DNAI7: variants seen among roughly 807,000 people sequenced by gnomAD.
The protein encoded by DNAI7 is cancer susceptibility 1.
A neutral mutation model predicts 86.6 loss-of-function variants in DNAI7; 78 were observed. The observed-to-expected ratio is 0.90, with a 90% confidence interval of 0.75 to 1.09. DNAI7 has a LOEUF of 1.09. Among genes scored for constraint, DNAI7 ranks in the 50% least tolerant of loss-of-function variants. The pLI, the probability that DNAI7 is intolerant of heterozygous loss-of-function variation, is 0.00. For missense variants in DNAI7, 753 were observed against 810.2 expected (o/e 0.93, Z 0.86); for synonymous variants, 274 against 273.0 (o/e 1.00, Z -0.04).
downstream of DNAI7, chr12:25,108,262 T>G: frequency 1.7e-6 from 1 of 590,746 alleles, no homozygotes. Flanking sequence ...GATCTTTGAA[T>G]GAGCTTTTTA....
chr12:25,128,521 G>C (rs907488143), intron 9 of DNAI7, among the ~76,000 whole-genome samples: 1 of 152,090 alleles, frequency 6.6e-6, no homozygotes, highest in Non-Finnish European at 1.5e-5. Context: ...AGCTGTGTCT[G>C]ACTTTCCTCT....
chr12:25,139,502 A>T (rs972666006), intron 9 of DNAI7, among the ~76,000 whole-genome samples: 1 of 152,160 alleles, frequency 6.6e-6, no homozygotes, highest in Non-Finnish European at 1.5e-5. Context: ...TATCAAAAAG[A>T]TAATTCATGC....
chr12:25,134,083 C>T lies in DNAI7; in HGVS notation c.1002+10282G>A, dbSNP rs188720192. Among the ~76,000 whole-genome samples, 9 of 152,252 alleles carry T rather than the reference C, an allele frequency of 5.9e-5. No individual in the cohort carries two copies. The East Asian group carries it at 1.7e-3, about 29-fold the overall frequency. On this transcript the variant is annotated intron_variant, in intron 9 of 15. Transcript: ENST00000395987. ...GACCACTGCTCACTGCAGCCTCGAC[C>T]TCCTGGGCTCAGGCAATCCTCTCAC...
intron 2 of DNAI7, among the ~76,000 whole-genome samples, chr12:25,165,161 C>T (rs1343164865): frequency 6.6e-6 from 1 of 152,172 alleles, no homozygotes; most frequent in African/African-American, 2.4e-5. Flanking sequence ...TTTTATTACC[C>T]AATCCGCTCC....
intron 2 of DNAI7, among the ~76,000 whole-genome samples, chr12:25,169,390 C>T (rs1178052193): frequency 2.6e-5 from 4 of 152,136 alleles, no homozygotes; most frequent in Admixed American, 1.3e-4. Flanking sequence ...TCTTATAAAA[C>T]GGCCCTACCC....
chr12:25,155,184 C>A (rs1946011477), intron 5 of DNAI7, 127 bp downstream of exon 5: 1 of 517,768 alleles, frequency 1.9e-6, no homozygotes, highest in South Asian at 3.2e-5. Flanking sequence ...CATAAGCAAT[C>A]AATTTGTCAG....
chr12:25,158,335 C>T, intron 4 of DNAI7, 137 bp downstream of exon 4: 1 of 646,712 alleles, frequency 1.5e-6, no homozygotes, highest in Non-Finnish European at 2.6e-6. Flanking sequence ...AACAATGTCA[C>T]TTATTCTATG....
chr12:25,181,667 G>A (rs199908985), intron 2 of DNAI7, among the ~76,000 whole-genome samples: 11 of 151,560 alleles, frequency 7.3e-5, no homozygotes, highest in African/African-American at 2.4e-4. Context: ...ACCCAGAATC[G>A]ATAAGGAACT....
intron 2 of DNAI7, among the ~76,000 whole-genome samples, chr12:25,167,539 C>A (rs567761768): frequency 3.3e-5 from 5 of 152,274 alleles, no homozygotes; most frequent in Non-Finnish European, 5.9e-5. Context: ...TTTACTCATT[C>A]TCTCCTAGCC....
At position 25,119,224 on chromosome 12, in the gene DNAI7, TG is replaced by T. The variant is rs780918893; in HGVS notation, c.1316del (p.Pro439HisfsTer3). The T allele has an allele frequency of 6.8e-6, 11 of 1,612,750 alleles. No homozygotes were observed. The South Asian group carries it at 1.2e-4, about 18-fold the overall frequency. The part of the protein sequence containing the change: ...TEEFETENAF[P>X]PIEVTLEVHE... ...GAACCTCAAGTGTGACCTCTATAGG[TG>T]GGAAAGCATTTTCTGTCTCAAACTC... On this transcript the variant is annotated frameshift_variant, in exon 12 of 16. Transcript: ENST00000395987. LOFTEE classifies it high-confidence loss of function.
At chr12:25,174,378 C>CACATATATATG (rs1948554750) in intron 2 of DNAI7, among the ~76,000 whole-genome samples, 1 of 288 alleles carries the variant, frequency 3.5e-3, no homozygotes, top group Non-Finnish European at 0.013. Flanking sequence ...TATGTTATAT[C>CACATATATATG]ATATATATGG....
intron 2 of DNAI7, among the ~76,000 whole-genome samples, chr12:25,170,197 C>T (rs1054877407): frequency 6.6e-6 from 1 of 151,916 alleles, no homozygotes; most frequent in Admixed American, 6.6e-5. Context: ...TCAAGACCAG[C>T]CTGACCAACA....
intron 6 of DNAI7, among the ~76,000 whole-genome samples, chr12:25,151,895 T>C (rs1314648379): frequency 6.6e-6 from 1 of 152,204 alleles, no homozygotes; most frequent in African/African-American, 2.4e-5. Context: ...AGTCTACAGT[T>C]CTACCCTCTT....
At chr12:25,167,893 G>A (rs544593846) in intron 2 of DNAI7, among the ~76,000 whole-genome samples, 5 of 152,078 alleles carry the variant, frequency 3.3e-5, no homozygotes, top group Middle Eastern at 3.4e-3. Context: ...TGTATCTCTC[G>A]TCAAAGACCC....
intron 2 of DNAI7, among the ~76,000 whole-genome samples, chr12:25,181,399 G>A (rs1949489603): frequency 6.6e-6 from 1 of 152,074 alleles, no homozygotes; most frequent in South Asian, 2.1e-4. Context: ...GATTACAGGT[G>A]TGCACTATTG....
At chr12:25,151,318 A>C (rs899874433) in intron 6 of DNAI7, among the ~76,000 whole-genome samples, 1 of 152,178 alleles carries the variant, frequency 6.6e-6, no homozygotes, top group Non-Finnish European at 1.5e-5. Flanking sequence ...TAAGCACTAT[A>C]TAAGAGTTTA....
At chr12:25,149,105 G>A (rs1213952312) in intron 7 of DNAI7, among the ~76,000 whole-genome samples, 1 of 151,954 alleles carries the variant, frequency 6.6e-6, no homozygotes, top group Non-Finnish European at 1.5e-5. Flanking sequence ...CCCACCTCAA[G>A]CTCCCAAGTA....
intron 2 of DNAI7, among the ~76,000 whole-genome samples, chr12:25,169,213 A>C (rs1281768006): frequency 1.3e-5 from 2 of 152,144 alleles, no homozygotes; most frequent in Admixed American, 6.6e-5. Flanking sequence ...CCACAAAAGA[A>C]GTGAAAATGG....
chr12:25,179,446 A>C (rs1015164505), intron 2 of DNAI7, among the ~76,000 whole-genome samples: 1 of 152,096 alleles, frequency 6.6e-6, no homozygotes, highest in Non-Finnish European at 1.5e-5. Context: ...TTAATTATTG[A>C]AAGAGAAAAT....
Sources: gnomAD v4.1 joint callset for allele counts (sites outside exome capture counted in the v4.1 genomes callset) on GRCh38, gnomAD v4.1.1 for gene constraint, MANE v1.5 for transcripts, NCBI Gene and HGNC (gene_info 2026-07-23, HGNC 2026-07-21) for gene names.